CDH13: variants seen among roughly 807,000 people sequenced by gnomAD.
CDH13 encodes the protein cadherin 13, also known as cadherin-13.
In CDH13, 24 loss-of-function variants were observed where a neutral mutation model predicts 63.8. The observed-to-expected ratio is 0.38, with a 90% CI of 0.27 to 0.53. The LOEUF (loss-of-function observed/expected upper bound fraction) is 0.53. CDH13 is among the 20% of genes least tolerant of loss of function. The pLI, the probability that CDH13 is intolerant of heterozygous loss-of-function variation, is 0.85. For synonymous variants in CDH13, 503 were observed against 355.3 expected (o/e 1.42, Z -4.67); for missense variants, 1,049 against 903.1 (o/e 1.16, Z -2.07).
chr16:83,162,513 C>A (rs1313562357), intron 4 of CDH13, among the ~76,000 whole-genome samples: 1 of 152,086 alleles, frequency 6.6e-6, no homozygotes, highest in East Asian at 1.9e-4. Context: ...TAGTGCTAAG[C>A]CTTAGTTTCC....
At chr16:83,478,348 G>A (rs938775850) in intron 6 of CDH13, among the ~76,000 whole-genome samples, 5 of 152,118 alleles carry the variant, frequency 3.3e-5, no homozygotes, top group African/African-American at 1.2e-4. Context: ...TATGGGCACT[G>A]GGTGAGTAGG....
At chr16:83,399,193 A>G (rs1371873455) in intron 6 of CDH13, among the ~76,000 whole-genome samples, 3 of 152,172 alleles carry the variant, frequency 2.0e-5, no homozygotes, top group East Asian at 1.9e-4. Context: ...TTTTTTGGCT[A>G]TGAGAATTTG....
At chr16:83,275,219 G>C (rs1365119911) in intron 5 of CDH13, among the ~76,000 whole-genome samples, 1 of 152,230 alleles carries the variant, frequency 6.6e-6, no homozygotes, top group East Asian at 1.9e-4. Context: ...TGGGAAAGGA[G>C]AGATGCTGGG....
intron 7 of CDH13, among the ~76,000 whole-genome samples, chr16:83,570,742 T>C (rs1022679423): frequency 2.1e-5 from 3 of 144,324 alleles, no homozygotes; most frequent in Non-Finnish European, 4.6e-5. Flanking sequence ...TTTCTATATA[T>C]TTTATAAAAA....
At chr16:83,260,221 A>C (rs1038876137) in intron 5 of CDH13, among the ~76,000 whole-genome samples, 10 of 151,730 alleles carry the variant, frequency 6.6e-5, no homozygotes, top group African/African-American at 2.2e-4. Context: ...GTCGCTTGTT[A>C]CTTAAAATAC....
At chr16:83,064,862 C>G (rs1233054560) in intron 3 of CDH13, among the ~76,000 whole-genome samples, 1 of 151,958 alleles carries the variant, frequency 6.6e-6, no homozygotes, top group Non-Finnish European at 1.5e-5. Flanking sequence ...TTTGCTGAGA[C>G]ATTTGAAATT....
intron 2 of CDH13, among the ~76,000 whole-genome samples, chr16:82,984,922 T>G (rs1205817222): frequency 6.6e-6 from 1 of 152,148 alleles, no homozygotes; most frequent in Non-Finnish European, 1.5e-5. Context: ...TTGTCACAAC[T>G]CTCCAGCATC....
intron 4 of CDH13, among the ~76,000 whole-genome samples, chr16:83,129,018 T>C (rs1291518597): frequency 2.0e-5 from 3 of 152,250 alleles, no homozygotes; most frequent in Non-Finnish European, 2.9e-5. Context: ...CCTTTGAAGG[T>C]ACGTATTTTC....
At chr16:82,660,096 A>C (rs1221440191) in intron 1 of CDH13, among the ~76,000 whole-genome samples, 1 of 152,196 alleles carries the variant, frequency 6.6e-6, no homozygotes, top group Non-Finnish European at 1.5e-5. Flanking sequence ...AGCAGAAAGT[A>C]ATACTGCATT....
At chr16:83,238,014 CCAT>C (rs778976324) in intron 5 of CDH13, among the ~76,000 whole-genome samples, 5 of 152,198 alleles carry the variant, frequency 3.3e-5, no homozygotes, top group Middle Eastern at 3.4e-3. Context: ...ATGCCAAAGC[CCAT>C]TTGCTTGCTA....
intron 1 of CDH13, among the ~76,000 whole-genome samples, chr16:82,748,537 G>T (rs766298328): frequency 1.3e-4 from 20 of 152,094 alleles, no homozygotes; most frequent in Admixed American, 1.3e-3. Context: ...GGTGGTTGTG[G>T]TGGTTTTGTG....
At chr16:83,158,704 G>C (rs2037321551) in intron 4 of CDH13, among the ~76,000 whole-genome samples, 1 of 152,248 alleles carries the variant, frequency 6.6e-6, no homozygotes, top group South Asian at 2.1e-4. Flanking sequence ...TGGTGCTGCA[G>C]CTGCTCCATG....
intron 4 of CDH13, among the ~76,000 whole-genome samples, chr16:83,166,590 GT>G (rs1367496675): frequency 1.3e-5 from 2 of 152,052 alleles, no homozygotes; most frequent in East Asian, 1.9e-4. Context: ...AATTTATGTG[GT>G]TGGGACAGCA....
chr16:82,751,769 T>C (rs2034427691), intron 1 of CDH13, among the ~76,000 whole-genome samples: 1 of 152,000 alleles, frequency 6.6e-6, no homozygotes, highest in African/African-American at 2.4e-5. Context: ...GTTTTGTACC[T>C]AGCTCTGCAA....
chr16:82,978,246 T>G (rs1308658774), intron 2 of CDH13, among the ~76,000 whole-genome samples: 1 of 152,168 alleles, frequency 6.6e-6, no homozygotes, highest in East Asian at 1.9e-4. Context: ...AAGCAGAACA[T>G]AAAAGTTCAG....
At chr16:82,986,720 G>C (rs924625125) in intron 2 of CDH13, among the ~76,000 whole-genome samples, 1 of 152,182 alleles carries the variant, frequency 6.6e-6, no homozygotes, top group African/African-American at 2.4e-5. Flanking sequence ...AATAGTACCT[G>C]CTGGTCAAAC....
At chr16:82,970,382 CTTTTTTTTTTTTTTTTTTTTTTT>C (rs558393653) in intron 2 of CDH13, among the ~76,000 whole-genome samples, 1 of 76,750 alleles carries the variant, frequency 1.3e-5, no homozygotes, top group Non-Finnish European at 2.6e-5. Flanking sequence ...AGTGCATATT[CTTTTTTTTTTTTTTTTTTTTTTT>C]TTTTTGAGAC....
At chr16:83,440,775 A>G (rs2072457286) in intron 6 of CDH13, among the ~76,000 whole-genome samples, 1 of 109,194 alleles carries the variant, frequency 9.2e-6, no homozygotes, top group South Asian at 4.0e-4. Context: ...GCAGATTGAG[A>G]CTTCATCTCA....
chr16:82,705,976 T>C (rs1415931191), intron 1 of CDH13, among the ~76,000 whole-genome samples: 2 of 152,172 alleles, frequency 1.3e-5, no homozygotes, highest in African/African-American at 4.8e-5. Context: ...GTTAAGTTTA[T>C]ACCCAGGTTA....
Sources: gnomAD v4.1 joint callset for allele counts (sites outside exome capture counted in the v4.1 genomes callset) on GRCh38, gnomAD v4.1.1 for gene constraint, MANE v1.5 for transcripts, NCBI Gene and HGNC (gene_info 2026-07-23, HGNC 2026-07-21) for gene names.